Variants in CYTH3 observed in about 807,000 individuals in gnomAD.
CYTH3 encodes the protein cytohesin-3.
Under a neutral mutation model 55.1 loss-of-function variants are expected in CYTH3, and 23 were observed. The ratio of observed to expected loss-of-function variants is 0.42; its 90% CI spans 0.30 to 0.59. The LOEUF (loss-of-function observed/expected upper bound fraction) is 0.59, where lower values mean the gene tolerates loss of function less well. Among genes scored for constraint, CYTH3 ranks in the 20% least tolerant of loss-of-function variants. The probability of loss-of-function intolerance (pLI) is 0.20; values close to 1 mark genes in which losing one functional copy is unlikely to be tolerated. For synonymous variants in CYTH3, 249 were observed against 194.9 expected (o/e 1.28, Z -2.31); for missense variants, 413 against 524.8 (o/e 0.79, Z 2.08).
At chr7:6,251,659 T>C (rs1251405084) in intron 1 of CYTH3, among the ~76,000 whole-genome samples, 1 of 152,216 alleles carries the variant, frequency 6.6e-6, no homozygotes, top group African/African-American at 2.4e-5. Flanking sequence ...CTTAAGACAC[T>C]GAACAACATT....
chr7:6,268,660 A>G (rs1780572868), intron 1 of CYTH3, among the ~76,000 whole-genome samples: 1 of 152,196 alleles, frequency 6.6e-6, no homozygotes, highest in South Asian at 2.1e-4. Flanking sequence ...CACGTGTACA[A>G]ATATATCTGC....
chr7:6,236,995 A>C (rs1779540429), intron 1 of CYTH3, among the ~76,000 whole-genome samples: 1 of 152,218 alleles, frequency 6.6e-6, no homozygotes, highest in Non-Finnish European at 1.5e-5. Context: ...TCAGCTTCCG[A>C]GTTTTGGTGA....
intron 1 of CYTH3, among the ~76,000 whole-genome samples, chr7:6,244,955 A>ATTTTTTTTTTTTTTTTTTT (rs887701278): frequency 1.9e-4 from 7 of 36,452 alleles, no homozygotes; most frequent in East Asian, 6.6e-4. Flanking sequence ...CGCCCGGCTA[A>ATTTTTTTTTTTTTTTTTTT]TTTTTTTTTT....
intron 9 of CYTH3, among the ~76,000 whole-genome samples, chr7:6,166,394 C>A (rs1783009749): frequency 1.3e-5 from 2 of 152,254 alleles, no homozygotes; most frequent in Non-Finnish European, 2.9e-5. Flanking sequence ...TATAGCCTTG[C>A]CGGTGTTTGT....
intron 1 of CYTH3, among the ~76,000 whole-genome samples, chr7:6,221,868 T>C (rs1436869519): frequency 6.6e-6 from 1 of 152,082 alleles, no homozygotes; most frequent in Non-Finnish European, 1.5e-5. Flanking sequence ...GGGAGGATCA[T>C]TTGAAGCCTA....
At chr7:6,183,792 C>T (rs1279175732) in intron 4 of CYTH3, among the ~76,000 whole-genome samples, 2 of 151,534 alleles carry the variant, frequency 1.3e-5, no homozygotes, top group Non-Finnish European at 2.9e-5. Context: ...TATCTGGAGA[C>T]GGGGTCTTTT....
intron 1 of CYTH3, among the ~76,000 whole-genome samples, chr7:6,222,614 G>T (rs1282466472): frequency 1.3e-5 from 2 of 151,934 alleles, no homozygotes; most frequent in African/African-American, 4.8e-5. Context: ...GGGCGTGGTG[G>T]CGGGCACCTG....
rs537362673 is a variant in CYTH3, at chr7:6,240,840, G to A, written c.34+31634C>T. On this transcript the variant is annotated intron_variant, in intron 1 of 12. Coordinates refer to ENST00000350796, the MANE Select transcript of CYTH3 (RefSeq NM_004227.4). Reference sequence around the variant, plus strand: ...TGAAAAAAGAAAAAAAGGAGGCCAGGCGCAGTAGCTCGCGCCTGTAATCCC... The same window carrying A: ...TGAAAAAAGAAAAAAAGGAGGCCAGACGCAGTAGCTCGCGCCTGTAATCCC... Among the ~76,000 whole-genome samples the A allele has an allele frequency of 7.2e-5, 11 of 152,228 alleles. No homozygotes were observed. In the South Asian group the frequency reaches 2.1e-3, roughly 29 times the overall value.
intron 1 of CYTH3, among the ~76,000 whole-genome samples, chr7:6,223,428 T>G (rs1779142709): frequency 6.6e-6 from 1 of 152,166 alleles, no homozygotes; most frequent in Non-Finnish European, 1.5e-5. Flanking sequence ...AGAGATCAGA[T>G]TGTTACTGTG....
intron 4 of CYTH3, among the ~76,000 whole-genome samples, chr7:6,179,903 CAACCACACACACACA>C (rs1377544577): frequency 2.8e-5 from 4 of 142,026 alleles, no homozygotes; most frequent in East Asian, 4.2e-4. Context: ...CACCCACACA[CAACCACACACACACA>C]AACCACACAC....
Position 6,250,199 on chromosome 7 carries a change from T to C in CYTH3, c.34+22275A>G, listed in dbSNP as rs190887943. ...GGAATTCTGTTTCTTGAACCCACTA[T>C]TGGTCTTCAGAGAGAGTAAAAACTT... On this transcript the variant is annotated intron_variant, in intron 1 of 12. Coordinates refer to ENST00000350796, the MANE Select transcript of CYTH3 (RefSeq NM_004227.4). 2.3e-3 allele frequency among the ~76,000 whole-genome samples: 347 copies of C among 152,270 alleles called. 1 individual carries two copies. The highest frequency in any genetic ancestry group is 7.6e-3 in the African/African-American group (315 of 41,546).
intron 1 of CYTH3, among the ~76,000 whole-genome samples, chr7:6,267,713 G>C (rs992519989): frequency 6.6e-6 from 1 of 152,022 alleles, no homozygotes; most frequent in Non-Finnish European, 1.5e-5. Flanking sequence ...TAGTAGAGAC[G>C]GGGTTTCACC....
At chr7:6,262,482 C>G (rs563636140) in intron 1 of CYTH3, among the ~76,000 whole-genome samples, 2 of 152,262 alleles carry the variant, frequency 1.3e-5, no homozygotes, top group African/African-American at 4.8e-5. Context: ...AGAAAAAACA[C>G]ACTAACTGGA....
At chr7:6,252,244 C>G (rs1738582972) in intron 1 of CYTH3, among the ~76,000 whole-genome samples, 1 of 152,100 alleles carries the variant, frequency 6.6e-6, no homozygotes, top group South Asian at 2.1e-4. Flanking sequence ...ATCTCTATAC[C>G]AGCATGAACA....
At chr7:6,228,461 G>T (rs150911416) in intron 1 of CYTH3, among the ~76,000 whole-genome samples, 1 of 152,280 alleles carries the variant, frequency 6.6e-6, no homozygotes, top group African/African-American at 2.4e-5. Flanking sequence ...TGTGAGAAAA[G>T]AATCAAGTTC....
At chr7:6,264,383 G>A (rs760814987) in intron 1 of CYTH3, among the ~76,000 whole-genome samples, 1 of 152,188 alleles carries the variant, frequency 6.6e-6, no homozygotes, top group Non-Finnish European at 1.5e-5. Context: ...AGGCCAAAGC[G>A]GGTGGATCAT....
In CYTH3 at chr7:6,164,615, C is replaced by T; in HGVS notation, c.*329G>A. On this transcript the variant is annotated 3_prime_UTR_variant, in exon 13 of 13. Transcript: ENST00000350796. ...AGCGGAAGCTGCTGTCCTGGCTTCT[C>T]CCCCTAGGGGCGCCGGGATGGTCGC... is the stretch of plus-strand genomic sequence containing the variant. 1 of 370,226 alleles carries T rather than the reference C, an allele frequency of 2.7e-6. No homozygotes were observed. Among genetic ancestry groups the T allele is most frequent in the East Asian group, 5.9e-5 (1 of 16,940 alleles). 22.9% of individuals were successfully genotyped at this position (370,226 alleles called of 1,614,324 possible).
intron 2 of CYTH3, 98 bp from the exon 3 acceptor site, chr7:6,187,819 G>A: frequency 1.0e-6 from 1 of 959,440 alleles, no homozygotes; most frequent in Non-Finnish European, 1.7e-6. Flanking sequence ...CTTCCCTGCG[G>A]TCTCACCGGA....
chr7:6,185,482 G>C (rs558676858), intron 4 of CYTH3, among the ~76,000 whole-genome samples: 2 of 152,064 alleles, frequency 1.3e-5, no homozygotes, highest in Admixed American at 6.5e-5. Context: ...AGATCACAAG[G>C]TCAGGAGATC....
Sources: allele counts gnomAD v4.1 joint callset (sites outside exome capture counted in the v4.1 genomes callset), GRCh38; gene constraint gnomAD v4.1.1; transcripts MANE v1.5; gene names NCBI Gene and HGNC (gene_info 2026-07-23, HGNC 2026-07-21).